Variants in CNBD1 observed in about 807,000 individuals in gnomAD.
The protein encoded by CNBD1 is cyclic nucleotide-binding domain-containing protein 1.
In CNBD1, 71 loss-of-function variants were observed where a neutral mutation model predicts 54.4. The observed-to-expected ratio is 1.30, with a 90% confidence interval of 1.08 to 1.59. The LOEUF (loss-of-function observed/expected upper bound fraction) is 1.59, where lower values mean the gene tolerates loss of function less well. Ranked by LOEUF, CNBD1 falls within the 40% of genes most tolerant of loss-of-function variation. CNBD1 has a pLI of 0.00. For missense variants in CNBD1, 659 were observed against 518.0 expected, an observed-to-expected ratio of 1.27 and a Z score of -2.64; for synonymous variants, 182 against 170.7, an observed-to-expected ratio of 1.07 and a Z score of -0.51.
intron 6 of CNBD1, among the ~76,000 whole-genome samples, chr8:87,275,437 C>T (rs193137267): frequency 1.2e-4 from 18 of 152,054 alleles, no homozygotes; most frequent in South Asian, 2.1e-4. Context: ...TGTTTGTATC[C>T]GCTTTTATTT....
chr8:87,315,682 A>T (rs1400797201), intron 8 of CNBD1, among the ~76,000 whole-genome samples: 1 of 151,990 alleles, frequency 6.6e-6, no homozygotes, highest in Non-Finnish European at 1.5e-5. Context: ...TGGAGGTCAA[A>T]TTTCAACATG....
At chr8:87,276,462 A>G (rs186427861) in intron 6 of CNBD1, among the ~76,000 whole-genome samples, 63 of 151,000 alleles carry the variant, frequency 4.2e-4, no homozygotes, top group African/African-American at 1.5e-3. Flanking sequence ...GTTCTGAATA[A>G]TTTTGTTACT....
At chr8:86,990,701 C>A (rs1808725359) in intron 4 of CNBD1, among the ~76,000 whole-genome samples, 1 of 151,944 alleles carries the variant, frequency 6.6e-6, no homozygotes, top group African/African-American at 2.4e-5. Flanking sequence ...TATAAATTTT[C>A]TGATTGCTTT....
chr8:87,332,008 G>T (rs1235287607), intron 8 of CNBD1, among the ~76,000 whole-genome samples: 1 of 145,784 alleles, frequency 6.9e-6, no homozygotes, highest in African/African-American at 2.7e-5. Context: ...CCATTCTGTA[G>T]GTTGCATGTT....
At chr8:86,985,321 G>C (rs1315227804) in intron 4 of CNBD1, among the ~76,000 whole-genome samples, 8 of 152,012 alleles carry the variant, frequency 5.3e-5, no homozygotes, top group Admixed American at 5.2e-4. Context: ...TAAGGTTTGG[G>C]TTATTGATCT....
At chr8:87,262,239 T>A (rs1808158010) in intron 6 of CNBD1, among the ~76,000 whole-genome samples, 1 of 152,166 alleles carries the variant, frequency 6.6e-6, no homozygotes, top group South Asian at 2.1e-4. Context: ...ATATAAAAAC[T>A]AGAAGCAGAA....
At chr8:86,974,021 T>C (rs1019952415) in intron 4 of CNBD1, among the ~76,000 whole-genome samples, 3 of 152,122 alleles carry the variant, frequency 2.0e-5, no homozygotes, top group Non-Finnish European at 4.4e-5. Flanking sequence ...GGATTTTTTT[T>C]ACAATGGAAA....
intron 10 of CNBD1, among the ~76,000 whole-genome samples, chr8:87,373,160 C>G (rs1416939410): frequency 6.6e-6 from 1 of 151,648 alleles, no homozygotes; most frequent in South Asian, 2.1e-4. Flanking sequence ...ATTATTGGCT[C>G]TTATTTTTCT....
chr8:87,052,537 T>G (rs2130625720), intron 4 of CNBD1, among the ~76,000 whole-genome samples: 1 of 152,248 alleles, frequency 6.6e-6, no homozygotes, highest in South Asian at 2.1e-4. Flanking sequence ...ATCACTGGGG[T>G]TCCAATTAGT....
intron 4 of CNBD1, among the ~76,000 whole-genome samples, chr8:87,066,652 C>T (rs1201028332): frequency 6.6e-6 from 1 of 151,652 alleles, no homozygotes; most frequent in African/African-American, 2.4e-5. Flanking sequence ...TTATACAATT[C>T]CAGATAGGTG....
At chr8:86,874,986 TTATATATATATATATATATATATA>T (rs10584669) in intron 1 of CNBD1, among the ~76,000 whole-genome samples, 13 of 120,120 alleles carry the variant, frequency 1.1e-4, no homozygotes, top group Non-Finnish European at 2.0e-4. Context: ...GTAAATCAAT[TTATATATATATATATATATATATA>T]TATATATATA....
chr8:87,094,626 A>G (rs1471102761), intron 4 of CNBD1, among the ~76,000 whole-genome samples: 2 of 152,180 alleles, frequency 1.3e-5, no homozygotes, highest in African/African-American at 4.8e-5. Context: ...TTCCACTGCT[A>G]TTAAATGCTT....
chr8:87,053,571 G>T (rs1810355315), intron 4 of CNBD1, among the ~76,000 whole-genome samples: 1 of 152,182 alleles, frequency 6.6e-6, no homozygotes, highest in Non-Finnish European at 1.5e-5. Flanking sequence ...GGTTGTCTGG[G>T]TCCTGGTAAC....
chr8:87,281,742 G>C (rs1018531640), intron 6 of CNBD1, among the ~76,000 whole-genome samples: 1 of 150,408 alleles, frequency 6.6e-6, no homozygotes, highest in African/African-American at 2.4e-5. Context: ...AATAGATATT[G>C]CCAGATAATT....
At chr8:86,938,408 T>A (rs770739518) in intron 3 of CNBD1, among the ~76,000 whole-genome samples, 1 of 152,176 alleles carries the variant, frequency 6.6e-6, no homozygotes, top group Non-Finnish European at 1.5e-5. Context: ...TTTACTGTAT[T>A]CATCTGTTCT....
At chr8:87,088,662 A>C (rs1042875092) in intron 4 of CNBD1, among the ~76,000 whole-genome samples, 77 of 152,266 alleles carry the variant, frequency 5.1e-4, no homozygotes, top group African/African-American at 1.8e-3. Context: ...CATTGGTTTT[A>C]CTAGTTTTCT....
At chr8:87,285,320 T>C (rs1488541929) in intron 7 of CNBD1, among the ~76,000 whole-genome samples, 1 of 152,208 alleles carries the variant, frequency 6.6e-6, no homozygotes, top group Non-Finnish European at 1.5e-5. Context: ...GATTCCCTAA[T>C]TCTGCGTTTT....
At chr8:87,013,424 A>G (rs1809265559) in intron 4 of CNBD1, among the ~76,000 whole-genome samples, 1 of 152,106 alleles carries the variant, frequency 6.6e-6, no homozygotes, top group African/African-American at 2.4e-5. Context: ...ACTTGAAGTA[A>G]TATGGTCTTT....
intron 8 of CNBD1, among the ~76,000 whole-genome samples, chr8:87,322,801 T>C (rs1314472633): frequency 2.0e-5 from 2 of 99,578 alleles, no homozygotes; most frequent in Non-Finnish European, 4.3e-5. Context: ...AGAAGCTCTT[T>C]AGTTTAATTA....
Sources: allele counts gnomAD v4.1 joint callset (sites outside exome capture counted in the v4.1 genomes callset), GRCh38; gene constraint gnomAD v4.1.1; transcripts MANE v1.5; gene names NCBI Gene and HGNC (gene_info 2026-07-23, HGNC 2026-07-21).